AHRR: variants seen among roughly 807,000 people sequenced by gnomAD.
AHRR encodes the protein ahR repressor.
A neutral mutation model predicts 44.0 loss-of-function variants in AHRR; 28 were observed. The ratio of observed to expected loss-of-function variants is 0.64; its 90% CI spans 0.47 to 0.87. The LOEUF is 0.87. Ranked by LOEUF, AHRR falls within the 40% of genes least tolerant of loss-of-function variation. The pLI, the probability that AHRR is intolerant of heterozygous loss-of-function variation, is 0.00. For synonymous variants in AHRR, 434 were observed against 407.0 expected (o/e 1.07, Z -0.80); for missense variants, 990 against 953.9 (o/e 1.04, Z -0.50).
At chr5:377,103 G>A (rs540691059) in intron 4 of AHRR, among the ~76,000 whole-genome samples, 1 of 152,140 alleles carries the variant, frequency 6.6e-6, no homozygotes, top group Admixed American at 6.5e-5. Context: ...GGCTTCCCTG[G>A]TGTGGTTTCA....
At chr5:340,688 A>ATATATTTTTTTT (rs1269938749) in intron 1 of AHRR, among the ~76,000 whole-genome samples, 1 of 12,926 alleles carries the variant, frequency 7.7e-5, no homozygotes, top group Non-Finnish European at 1.3e-4. Flanking sequence ...ATATATATAT[A>ATATATTTTTTTT]TTTTTTTTTT....
intron 2 of AHRR, among the ~76,000 whole-genome samples, chr5:347,937 G>C (rs1742732950): frequency 6.6e-6 from 1 of 152,218 alleles, no homozygotes; most frequent in South Asian, 2.1e-4. Flanking sequence ...GCTCCTCTGT[G>C]GTGATGGGGG....
At chr5:432,975 G>A (rs530271599) in intron 10 of AHRR, 28 bp downstream of exon 10, 1 of 1,555,808 alleles carries the variant, frequency 6.4e-7, no homozygotes. Context: ...GCCTCCCCCA[G>A]CCCTGGCAGC....
At chr5:327,531 T>C (rs1193386435) in intron 1 of AHRR, among the ~76,000 whole-genome samples, 1 of 152,216 alleles carries the variant, frequency 6.6e-6, no homozygotes, top group East Asian at 1.9e-4. Context: ...GTTCCATCCA[T>C]GTTGCTGCAA....
chr5:426,417 T>C (rs1012591106), intron 7 of AHRR, among the ~76,000 whole-genome samples: 2 of 133,500 alleles, frequency 1.5e-5, no homozygotes, highest in Non-Finnish European at 3.4e-5. Context: ...GATGGTTGGA[T>C]AGATGGGAAG....
intron 3 of AHRR, among the ~76,000 whole-genome samples, chr5:374,895 G>A (rs915761088): frequency 2.0e-5 from 3 of 152,216 alleles, no homozygotes; most frequent in African/African-American, 4.8e-5. Flanking sequence ...TGGGGAGCAG[G>A]TTAACCCAGC....
intron 4 of AHRR, 39 bp from the exon 5 acceptor site, chr5:413,305 C>T (rs761766875): frequency 1.4e-6 from 2 of 1,425,466 alleles, no homozygotes; most frequent in South Asian, 2.5e-5. Flanking sequence ...TTTGGGTGAG[C>T]CAATTCGATT....
At chr5:332,077 A>G (rs371709786) in intron 1 of AHRR, among the ~76,000 whole-genome samples, 1 of 152,112 alleles carries the variant, frequency 6.6e-6, no homozygotes, top group Admixed American at 6.5e-5. Flanking sequence ...ACCCAGGAGC[A>G]TATTGTTTAA....
At chr5:354,815 G>A (rs1328225178) in intron 3 of AHRR, among the ~76,000 whole-genome samples, 1 of 152,204 alleles carries the variant, frequency 6.6e-6, no homozygotes, top group Non-Finnish European at 1.5e-5. Flanking sequence ...GTCTCAGGGT[G>A]CAAGAGGCTG....
intron 1 of AHRR, among the ~76,000 whole-genome samples, chr5:335,252 C>T (rs1201879331): frequency 6.6e-6 from 1 of 152,092 alleles, no homozygotes; most frequent in Non-Finnish European, 1.5e-5. Context: ...TTTGGGCAGC[C>T]AGAGTGGTGT....
chr5:323,031 G>A (rs1560873976), intron 1 of AHRR, among the ~76,000 whole-genome samples: 3 of 152,230 alleles, frequency 2.0e-5, no homozygotes, highest in African/African-American at 7.2e-5. Flanking sequence ...GCCCCAGATG[G>A]CCCTGGCCGA....
chr5:382,151 G>T (rs1237487781), intron 4 of AHRR, among the ~76,000 whole-genome samples: 1 of 152,072 alleles, frequency 6.6e-6, no homozygotes, highest in Non-Finnish European at 1.5e-5. Context: ...GATTTTGATG[G>T]GTTTGAATAT....
Position 376,661 on chromosome 5 carries a change from G to T in AHRR, c.296G>T (p.Gly99Val). The T allele has an allele frequency of 1.2e-6, 2 of 1,606,352 alleles. No individual in the cohort carries two copies. Residue 99 changes from glycine (G) to valine (V), a missense_variant, in exon 4 of 11, where the codon GGA becomes GTA. Transcript: ENST00000684583. ...CCTGCGGCCGGCGCCCCCTCGCCCGGAGACAGCTGTCCTCTTGCAGGGTCT... is the reference window on the plus strand; with the variant it reads ...CCTGCGGCCGGCGCCCCCTCGCCCGTAGACAGCTGTCCTCTTGCAGGGTCT... Reference protein sequence around the residue: ...RQPAAGAPSPGDSCPLAGSAV... With the variant: ...RQPAAGAPSPVDSCPLAGSAV...
chr5:380,478 T>C (rs1285807735), intron 4 of AHRR, among the ~76,000 whole-genome samples: 1 of 151,848 alleles, frequency 6.6e-6, no homozygotes, highest in Non-Finnish European at 1.5e-5. Flanking sequence ...TATGTGTCTC[T>C]ATTTAGGTTT....
chr5:343,416 C>G (rs1560883169), intron 1 of AHRR: 1 of 181,758 alleles, frequency 5.5e-6, no homozygotes, highest in Non-Finnish European at 1.1e-5. Context: ...ACACGGGACC[C>G]CACATACCTT....
At chr5:354,593 G>T (rs192252941) in intron 3 of AHRR, among the ~76,000 whole-genome samples, 1 of 152,218 alleles carries the variant, frequency 6.6e-6, no homozygotes, top group Admixed American at 6.5e-5. Context: ...CAGAGAACTC[G>T]CAGGTGTAGA....
At position 388,173 on chromosome 5, in the gene AHRR, A is replaced by C. The variant is rs1373162768; in HGVS notation, c.351+11457A>C. On this transcript the variant is annotated intron_variant, in intron 4 of 10. Coordinates refer to ENST00000684583, the MANE Select transcript of AHRR (RefSeq NM_001377236.1). The surrounding 1 kb of genome is among the most constrained non-coding windows in gnomAD (Gnocchi z 5.2). Reference sequence around the variant, plus strand: ...AATTTTGGAGGACACCACTCAGCCCAGTACCACTGTGCTTACCTCACAGCT... The same window carrying C: ...AATTTTGGAGGACACCACTCAGCCCCGTACCACTGTGCTTACCTCACAGCT... Among the ~76,000 whole-genome samples the C allele has an allele frequency of 6.6e-6, 1 of 152,222 alleles. No homozygotes were observed. The highest frequency in any genetic ancestry group is 2.4e-5 in the African/African-American group (1 of 41,452).
At chr5:340,688 A>ATATATATATATATTTTTTT in intron 1 of AHRR, among the ~76,000 whole-genome samples, 1 of 12,928 alleles carries the variant, frequency 7.7e-5, no homozygotes, top group Non-Finnish European at 1.3e-4. Context: ...ATATATATAT[A>ATATATATATATATTTTTTT]TTTTTTTTTT....
At position 411,806 on chromosome 5, in the gene AHRR, G is replaced by A. The variant is rs1735476208; in HGVS notation, c.352-1538G>A. 6.6e-6 allele frequency among the ~76,000 whole-genome samples: 1 copy of A among 152,216 alleles called. No individual in the cohort carries two copies. Among genetic ancestry groups the A allele is most frequent in the Admixed American group, 6.5e-5 (1 of 15,276 alleles). On this transcript the variant is annotated intron_variant, in intron 4 of 10. Transcript: ENST00000684583. The surrounding 1 kb of genome is among the most constrained non-coding windows in gnomAD (Gnocchi z 4.2). Reference sequence around the variant, plus strand: ...GGAGTTAAAGTCTCCGAATGTCTGTGTTTTAAAGACACAAATGGAAACATT... The same window carrying A: ...GGAGTTAAAGTCTCCGAATGTCTGTATTTTAAAGACACAAATGGAAACATT...
Sources: allele counts gnomAD v4.1 joint callset (sites outside exome capture counted in the v4.1 genomes callset), GRCh38; gene constraint gnomAD v4.1.1; non-coding constraint Gnocchi (gnomAD v3.1); transcripts MANE v1.5; gene names NCBI Gene and HGNC (gene_info 2026-07-23, HGNC 2026-07-21).